Variants in TSPAN1 observed in about 807,000 individuals in gnomAD.
TSPAN1 encodes tetraspanin 1, also known as tetraspanin-1.
Under a neutral mutation model 26.9 loss-of-function variants are expected in TSPAN1, and 23 were observed. The observed-to-expected ratio is 0.85, with a 90% confidence interval of 0.62 to 1.21. The LOEUF (loss-of-function observed/expected upper bound fraction) is 1.21. Ranked by LOEUF, TSPAN1 falls within the 50% of genes most tolerant of loss-of-function variation. TSPAN1 has a pLI of 0.00. For synonymous variants in TSPAN1, 115 were observed against 114.8 expected, an observed-to-expected ratio of 1.00 and a Z score of -0.01; for missense variants, 283 against 298.4, an observed-to-expected ratio of 0.95 and a Z score of 0.38.
the TSPAN1 span, chr1:46,192,648 G>C: frequency 6.2e-7 from 1 of 1,607,814 alleles, no homozygotes; most frequent in South Asian, 1.1e-5. Flanking sequence ...TAGTCACACA[G>C]AGATGCTAGA....
At chr1:46,190,435 T>C, downstream of TSPAN1, 1 of 1,546,402 alleles carries the variant, frequency 6.5e-7, no homozygotes, top group South Asian at 1.1e-5. Flanking sequence ...TATTTGACTC[T>C]TTGCTCCCTG....
chr1:46,195,530 G>A, the TSPAN1 span: 3 of 487,240 alleles, frequency 6.2e-6, no homozygotes, highest in East Asian at 8.1e-5. Flanking sequence ...TTACTTGGCT[G>A]TTTCTGTTGA....
chr1:46,195,766 T>G, the TSPAN1 span: 1 of 1,520,056 alleles, frequency 6.6e-7, no homozygotes, highest in Non-Finnish European at 8.9e-7. Context: ...AGAAGCAGGG[T>G]TGGAGCTAGG....
rs1239851253 is a variant in TSPAN1 at position 46,181,106 on chromosome 1, C to G, written c.-2C>G. The G allele has an allele frequency of 5.0e-6, 8 of 1,613,750 alleles. No individual in the cohort carries two copies. Among genetic ancestry groups the G allele is most frequent in the Middle Eastern group, 1.7e-4 (1 of 6,058 alleles). On this transcript the variant is annotated 5_prime_UTR_variant, in exon 3 of 9. Coordinates refer to ENST00000372003, the MANE Select transcript of TSPAN1 (RefSeq NM_005727.4). ...GCACATGTCTACCTCCCAGGAGCCA[C>G]CATGCAGTGCTTCAGCTTCATTAAG...
chr1:46,185,845 T>C lies in TSPAN1; in HGVS notation c.*312T>C. 2.2e-6 allele frequency: 1 copy of C among 444,926 alleles called. No homozygotes were observed. The highest frequency in any genetic ancestry group is 4.0e-6 in the Non-Finnish European group (1 of 247,516). 27.6% of individuals were successfully genotyped at this position (444,926 alleles called of 1,614,324 possible). ...CTAGGCCTAGTGGTGATCCCAGTGC[T>C]CTACTGGGGGATGAGAGAAAGGCAT... On this transcript the variant is annotated 3_prime_UTR_variant, in exon 9 of 9. Transcript: ENST00000372003.
chr1:46,178,033 T>C (rs1428786506), intron 1 of TSPAN1, among the ~76,000 whole-genome samples: 1 of 152,148 alleles, frequency 6.6e-6, no homozygotes, highest in African/African-American at 2.4e-5. Flanking sequence ...CATAGATGAA[T>C]GTAATCTGGT....
the TSPAN1 span, chr1:46,192,187 G>A: frequency 6.2e-7 from 1 of 1,614,060 alleles, no homozygotes; most frequent in African/African-American, 1.3e-5. Context: ...CCCCGGCGTT[G>A]TTCAGGCATC....
intron 1 of TSPAN1, chr1:46,175,816 G>T (rs1349424412): frequency 1.2e-5 from 5 of 431,846 alleles, no homozygotes; most frequent in Middle Eastern, 5.9e-4. Flanking sequence ...ATTTCACAGA[G>T]ATCATCCTTT....
downstream of TSPAN1, among the ~76,000 whole-genome samples, chr1:46,186,683 TG>T (rs1657436516): frequency 7.0e-6 from 1 of 142,744 alleles, no homozygotes; most frequent in African/African-American, 2.6e-5. Context: ...TTTTTTTTTT[TG>T]AGAGAGTCTC....
Position 46,184,187 on chromosome 1 carries a change from C to T in TSPAN1, c.58-4C>T, listed in dbSNP as rs1227217637. ...TAAGGCCTGCCTGACCTCTCTCTCCCCAGCTGTGTGGTGCAGCCCTGTTGG... is the reference window on the plus strand; with the variant it reads ...TAAGGCCTGCCTGACCTCTCTCTCCTCAGCTGTGTGGTGCAGCCCTGTTGG... On this transcript the variant is annotated splice_region_variant and splice_polypyrimidine_tract_variant and intron_variant, in intron 3 of 8. Transcript: ENST00000372003. 1.9e-6 allele frequency: 3 copies of T among 1,614,104 alleles called. No individual in the cohort carries two copies. Among genetic ancestry groups the T allele is most frequent in the Non-Finnish European group, 2.5e-6 (3 of 1,179,976 alleles).
intron 3 of TSPAN1, chr1:46,183,803 A>G (rs949061958): frequency 2.4e-5 from 6 of 251,072 alleles, no homozygotes; most frequent in South Asian, 1.1e-4. Context: ...GTCTCCACCT[A>G]TCAGAGGACA....
chr1:46,194,422 T>C, the TSPAN1 span: 1 of 1,614,156 alleles, frequency 6.2e-7, no homozygotes, highest in African/African-American at 1.3e-5. Context: ...GATGCGGTTG[T>C]CATGGAGGCA....
chr1:46,180,232 G>T (rs898549511), intron 1 of TSPAN1, among the ~76,000 whole-genome samples: 4 of 152,230 alleles, frequency 2.6e-5, no homozygotes, highest in Non-Finnish European at 5.9e-5. Context: ...AGCACAGAGG[G>T]TATGTATGAG....
At chr1:46,176,707 G>A (rs976315657) in intron 1 of TSPAN1, among the ~76,000 whole-genome samples, 3 of 152,216 alleles carry the variant, frequency 2.0e-5, no homozygotes, top group East Asian at 1.9e-4. Context: ...CCCTAGAGGC[G>A]GAACTCACTT....
intron 5 of TSPAN1, 35 bp from the exon 6 acceptor site, chr1:46,184,750 G>C: frequency 4.3e-6 from 7 of 1,613,870 alleles, no homozygotes; most frequent in Non-Finnish European, 5.9e-6. Flanking sequence ...GCCACCTTCT[G>C]TACCAGCCCC....
intron 1 of TSPAN1, among the ~76,000 whole-genome samples, chr1:46,177,921 A>T (rs1221930463): frequency 2.0e-5 from 3 of 152,214 alleles, no homozygotes; most frequent in African/African-American, 4.8e-5. Context: ...CAAATCCATG[A>T]TGATCAAGAT....
intron 3 of TSPAN1, among the ~76,000 whole-genome samples, chr1:46,182,774 G>A (rs1657342596): frequency 6.6e-6 from 1 of 152,060 alleles, no homozygotes; most frequent in Middle Eastern, 3.4e-3. Context: ...GGCTTCCTTC[G>A]GCTGCAGGGA....
At chr1:46,186,750 C>CT (rs1162758432), downstream of TSPAN1, among the ~76,000 whole-genome samples, 9 of 150,328 alleles carry the variant, frequency 6.0e-5, no homozygotes, top group African/African-American at 2.2e-4. Context: ...CAGGCTCCGC[C>CT]CCCTGGGGTT....
intron 4 of TSPAN1, 36 bp downstream of exon 4, chr1:46,184,433 G>A: frequency 6.2e-7 from 1 of 1,613,458 alleles, no homozygotes; most frequent in Non-Finnish European, 8.5e-7. Flanking sequence ...TGATGACCAA[G>A]AGTCCCCTCG....
Sources: gnomAD v4.1 joint callset for allele counts (sites outside exome capture counted in the v4.1 genomes callset) on GRCh38, gnomAD v4.1.1 for gene constraint, MANE v1.5 for transcripts, NCBI Gene and HGNC (gene_info 2026-07-23, HGNC 2026-07-21) for gene names.